Variants in KCNMB2 observed in about 807,000 individuals in gnomAD.
The protein encoded by KCNMB2 is potassium calcium-activated channel subfamily M regulatory beta subunit 2, also known as calcium-activated potassium channel subunit beta-2.
KCNMB2 carries 9 observed loss-of-function variants against 24.5 expected under a neutral mutation model. The observed-to-expected ratio is 0.37, with a 90% CI of 0.22 to 0.64. The LOEUF is 0.64. KCNMB2 is among the 30% of genes least tolerant of loss of function. The pLI is 0.63. For missense variants in KCNMB2, 226 were observed against 284.3 expected, an observed-to-expected ratio of 0.79 and a Z score of 1.47; for synonymous variants, 109 against 104.4, an observed-to-expected ratio of 1.04 and a Z score of -0.27.
At chr3:178,758,465 T>G (rs1232806943) in intron 1 of KCNMB2, among the ~76,000 whole-genome samples, 1 of 80,784 alleles carries the variant, frequency 1.2e-5, no homozygotes, top group Admixed American at 1.5e-4. Flanking sequence ...GTGATATATA[T>G]ACATATATAT....
chr3:178,606,489 T>A (rs1161435873), intron 1 of KCNMB2, among the ~76,000 whole-genome samples: 2 of 114,002 alleles, frequency 1.8e-5, no homozygotes, highest in East Asian at 4.9e-4. Context: ...TTTTTTTTTT[T>A]GTGGAAATTT....
At chr3:178,658,103 C>T (rs1720406164) in intron 1 of KCNMB2, among the ~76,000 whole-genome samples, 1 of 152,140 alleles carries the variant, frequency 6.6e-6, no homozygotes, top group African/African-American at 2.4e-5. Flanking sequence ...GGTATTGGCA[C>T]TTTAGAATCC....
intron 1 of KCNMB2, among the ~76,000 whole-genome samples, chr3:178,637,582 T>A (rs1350508857): frequency 6.6e-6 from 1 of 152,164 alleles, no homozygotes; most frequent in Non-Finnish European, 1.5e-5. Context: ...AAAAGAAAAT[T>A]TGTGAGGTCC....
intron 1 of KCNMB2, among the ~76,000 whole-genome samples, chr3:178,651,014 C>G (rs1720099431): frequency 6.6e-6 from 1 of 152,166 alleles, no homozygotes; most frequent in African/African-American, 2.4e-5. Context: ...CAACGATGCC[C>G]TCTCTCACCA....
At chr3:178,768,836 G>A (rs1158904851) in intron 1 of KCNMB2, among the ~76,000 whole-genome samples, 4 of 152,134 alleles carry the variant, frequency 2.6e-5, no homozygotes, top group African/African-American at 7.2e-5. Flanking sequence ...ATTTCACAGA[G>A]CAAATAAAAA....
At chr3:178,632,600 C>T (rs1428226771) in intron 1 of KCNMB2, among the ~76,000 whole-genome samples, 1 of 152,196 alleles carries the variant, frequency 6.6e-6, no homozygotes, top group African/African-American at 2.4e-5. Context: ...TTACCTCCCA[C>T]TGAGTCCCTC....
At position 178,733,888 on chromosome 3, in the gene KCNMB2, T is replaced by C. The variant is rs566297609; in HGVS notation, c.-67-73455T>C. On this transcript the variant is annotated intron_variant, in intron 1 of 4. Transcript: ENST00000452583. ...CAGAAGAACATTGTAGTAATGCAAG[T>C]AAGAAATAATGGTAGCTGGATTGAG... Among the ~76,000 whole-genome samples, 15 of 152,260 alleles carry C rather than the reference T, an allele frequency of 9.9e-5. No individual in the cohort carries two copies. The South Asian group carries it at 2.7e-3, about 27-fold the overall frequency.
At chr3:178,828,922 T>A (rs544848560) in intron 4 of KCNMB2, among the ~76,000 whole-genome samples, 19 of 133,410 alleles carry the variant, frequency 1.4e-4, no homozygotes, top group African/African-American at 5.5e-4. Context: ...CAACCCATGG[T>A]CACTGTGTGT....
intron 1 of KCNMB2, among the ~76,000 whole-genome samples, chr3:178,753,578 T>C (rs1265970924): frequency 6.6e-6 from 1 of 151,898 alleles, no homozygotes; most frequent in South Asian, 2.1e-4. Flanking sequence ...CCAAGGGAGT[T>C]ATCAAAAAAA....
At chr3:178,601,886 T>C (rs1245631484) in intron 1 of KCNMB2, among the ~76,000 whole-genome samples, 1 of 152,174 alleles carries the variant, frequency 6.6e-6, no homozygotes, top group Non-Finnish European at 1.5e-5. Flanking sequence ...ATTATGCAAA[T>C]ACCTGGCCAG....
intron 1 of KCNMB2, among the ~76,000 whole-genome samples, chr3:178,758,082 A>ATCTC (rs1491362905): frequency 1.1e-5 from 1 of 89,126 alleles, no homozygotes; most frequent in Non-Finnish European, 2.2e-5. Flanking sequence ...ATATATATAT[A>ATCTC]CACAAGAGGA....
chr3:178,760,253 TATATAGATA>T (rs1711764599), intron 1 of KCNMB2, among the ~76,000 whole-genome samples: 1 of 85,198 alleles, frequency 1.2e-5, no homozygotes, highest in Non-Finnish European at 2.2e-5. Flanking sequence ...GATATATCTA[TATATAGATA>T]TATCCAAGAG....
At chr3:178,548,081 G>A (rs1292534165) in intron 1 of KCNMB2, among the ~76,000 whole-genome samples, 1 of 152,088 alleles carries the variant, frequency 6.6e-6, no homozygotes, top group Non-Finnish European at 1.5e-5. Context: ...CCCTTTATTG[G>A]AACACTTTGG....
chr3:178,625,791 T>C (rs1460435571), intron 1 of KCNMB2, among the ~76,000 whole-genome samples: 1 of 152,204 alleles, frequency 6.6e-6, no homozygotes, highest in Non-Finnish European at 1.5e-5. Flanking sequence ...ATGCTCAATA[T>C]CCACTTGTTC....
At position 178,617,615 on chromosome 3, in the gene KCNMB2, C is replaced by T. The variant is rs149785832; in HGVS notation, c.-68+80904C>T. 1.0e-3 allele frequency among the ~76,000 whole-genome samples: 154 copies of T among 151,646 alleles called. 2 individuals carry two copies. The East Asian group carries it at 0.027, about 26-fold the overall frequency. Reference sequence around the variant, plus strand: ...AAAGAAAACCCAACACCCAGCGAGGCGCGGTGGCTCATGCCTGTAATCCCA... The same window carrying T: ...AAAGAAAACCCAACACCCAGCGAGGTGCGGTGGCTCATGCCTGTAATCCCA... On this transcript the variant is annotated intron_variant, in intron 1 of 4. Transcript: ENST00000452583.
intron 1 of KCNMB2, among the ~76,000 whole-genome samples, chr3:178,627,774 A>C (rs1441037493): frequency 2.6e-5 from 4 of 152,224 alleles, no homozygotes; most frequent in Non-Finnish European, 5.9e-5. Flanking sequence ...TATTGAAATA[A>C]GTTGTCGCTT....
chr3:178,778,462 A>ACGCACGCACGTGCGCGGCGCGCGCG (rs1437410515), intron 1 of KCNMB2, among the ~76,000 whole-genome samples: 2 of 63,538 alleles, frequency 3.1e-5, no homozygotes, highest in Non-Finnish European at 6.1e-5. Flanking sequence ...TAAGACACAC[A>ACGCACGCACGTGCGCGGCGCGCGCG]CACACACACA....
intron 1 of KCNMB2, among the ~76,000 whole-genome samples, chr3:178,678,032 A>AAC (rs1361378947): frequency 2.6e-5 from 4 of 152,202 alleles, no homozygotes; most frequent in African/African-American, 9.6e-5. Context: ...AACCTCTATA[A>AAC]ACGGGCCAGA....
intron 1 of KCNMB2, among the ~76,000 whole-genome samples, chr3:178,570,077 C>T (rs866902373): frequency 2.0e-5 from 3 of 151,472 alleles, no homozygotes; most frequent in African/African-American, 4.9e-5. Flanking sequence ...GACATCTAAT[C>T]TGGTAGCATT....
Sources: gnomAD v4.1 joint callset for allele counts (sites outside exome capture counted in the v4.1 genomes callset) on GRCh38, gnomAD v4.1.1 for gene constraint, MANE v1.5 for transcripts, NCBI Gene and HGNC (gene_info 2026-07-23, HGNC 2026-07-21) for gene names.